SNTG1: variants seen among roughly 807,000 people sequenced by gnomAD.
The protein encoded by SNTG1 is gamma-1-syntrophin.
In SNTG1, 39 loss-of-function variants were observed where a neutral mutation model predicts 74.7. The ratio of observed to expected loss-of-function variants is 0.52; its 90% CI spans 0.40 to 0.68. SNTG1 has a LOEUF of 0.68. Among genes scored for constraint, SNTG1 ranks in the 30% least tolerant of loss-of-function variants. The pLI is 0.00. For synonymous variants in SNTG1, 254 were observed against 217.1 expected (o/e 1.17, Z -1.49); for missense variants, 685 against 609.5 (o/e 1.12, Z -1.30).
chr8:50,222,445 G>T (rs547608985), intron 2 of SNTG1, among the ~76,000 whole-genome samples: 1 of 152,224 alleles, frequency 6.6e-6, no homozygotes, highest in East Asian at 1.9e-4. Context: ...TACAAAGATG[G>T]TTTCCCCATC....
chr8:50,075,294 C>T (rs934675273), intron 1 of SNTG1, among the ~76,000 whole-genome samples: 8 of 152,180 alleles, frequency 5.3e-5, no homozygotes, highest in African/African-American at 1.2e-4. Flanking sequence ...GGGTGGGATC[C>T]ACTAGGCAAA....
intron 1 of SNTG1, among the ~76,000 whole-genome samples, chr8:50,010,545 T>A (rs1014147821): frequency 9.2e-5 from 14 of 151,988 alleles, no homozygotes; most frequent in African/African-American, 3.4e-4. Context: ...TGAAAAAAAA[T>A]CATATACCCT....
In SNTG1 at chr8:50,792,671, G is replaced by C. The variant is rs374697305; in HGVS notation, c.1396G>C (p.Glu466Gln). The C allele has an allele frequency of 1.1e-5, 17 of 1,598,800 alleles. No homozygotes were observed. The highest frequency in any genetic ancestry group is 1.4e-5 in the Non-Finnish European group (16 of 1,172,128). The change falls in exon 19 of 19, where the codon GAG becomes CAG. Residue 466 changes from glutamate (E) to glutamine (Q), a missense_variant and splice_region_variant. By Grantham distance (29) the Glu-to-Gln change is conservative. Transcript: ENST00000642720. ...TGACCTGTTTCTCTTTCCCTTTCAG[G>C]AGTTGGAATTTTCTAATTTATTTGC... ...NPDTKQIEAK[E>Q]LEFSNLFAVL...
At chr8:50,361,086 C>A (rs1254374674) in intron 2 of SNTG1, among the ~76,000 whole-genome samples, 1 of 152,090 alleles carries the variant, frequency 6.6e-6, no homozygotes, top group African/African-American at 2.4e-5. Flanking sequence ...TATTTTCTTT[C>A]ATATATCCTT....
At position 50,285,476 on chromosome 8, in the gene SNTG1, A is replaced by T. The variant is rs1336546501; in HGVS notation, c.-27-108736A>T. On this transcript the variant is annotated intron_variant, in intron 2 of 18. Transcript: ENST00000642720. ...ATAAAAAGGAAAAATTATTGTGGTA[A>T]CAAAAAAGAGCAACTCCTTTGTAGG... 2.0e-5 allele frequency among the ~76,000 whole-genome samples: 3 copies of T among 152,218 alleles called. No individual in the cohort carries two copies. In the East Asian group the frequency reaches 5.8e-4, roughly 29 times the overall value.
chr8:50,630,763 T>C (rs2094991829), intron 13 of SNTG1, among the ~76,000 whole-genome samples: 1 of 152,200 alleles, frequency 6.6e-6, no homozygotes, highest in Non-Finnish European at 1.5e-5. Context: ...CAGTGAATTT[T>C]CTTTATTTAT....
chr8:50,488,778 G>A (rs1367261598), intron 8 of SNTG1, among the ~76,000 whole-genome samples: 1 of 151,446 alleles, frequency 6.6e-6, no homozygotes, highest in Non-Finnish European at 1.5e-5. Context: ...TAAATGTAAT[G>A]TAGTCTTTTT....
intron 15 of SNTG1, among the ~76,000 whole-genome samples, chr8:50,659,394 C>A (rs2095204873): frequency 6.6e-6 from 1 of 152,140 alleles, no homozygotes; most frequent in African/African-American, 2.4e-5. Context: ...ATAAGGTTGA[C>A]CTTGTTTCTG....
At chr8:50,627,403 A>G (rs2094963638) in intron 13 of SNTG1, among the ~76,000 whole-genome samples, 1 of 152,218 alleles carries the variant, frequency 6.6e-6, no homozygotes, top group Admixed American at 6.5e-5. Flanking sequence ...ATGTGAGGAC[A>G]GAGTGTTCCT....
At chr8:50,081,683 G>C (rs1173112773) in intron 1 of SNTG1, among the ~76,000 whole-genome samples, 1 of 152,006 alleles carries the variant, frequency 6.6e-6, no homozygotes, top group Non-Finnish European at 1.5e-5. Context: ...ACCCAGGCTG[G>C]AGTGCAGTGG....
At chr8:50,509,701 G>A (rs185594484) in intron 9 of SNTG1, among the ~76,000 whole-genome samples, 10 of 152,078 alleles carry the variant, frequency 6.6e-5, no homozygotes, top group African/African-American at 2.4e-4. Flanking sequence ...GTTCACTTAT[G>A]ATTTGGCTCT....
Position 50,312,659 on chromosome 8 carries a change from G to A in SNTG1, c.-27-81553G>A, listed in dbSNP as rs1318001795. Among the ~76,000 whole-genome samples, 3 of 149,558 alleles carry A rather than the reference G, an allele frequency of 2.0e-5. 1 individual carries two copies. Among genetic ancestry groups the A allele is most frequent in the African/African-American group, 5.0e-5 (2 of 40,022 alleles). On this transcript the variant is annotated intron_variant, in intron 2 of 18. Transcript: ENST00000642720. ...AAAAACAATGAAAATAGCATAATAG[G>A]CCACCTCATACCCATTACTAAACTT...
chr8:50,172,902 T>G (rs2082861842), intron 2 of SNTG1, among the ~76,000 whole-genome samples: 1 of 152,206 alleles, frequency 6.6e-6, no homozygotes, highest in African/African-American at 2.4e-5. Context: ...AACAGCTATG[T>G]TGAATTTGTG....
intron 8 of SNTG1, among the ~76,000 whole-genome samples, chr8:50,451,737 T>A (rs2093459781): frequency 6.6e-6 from 1 of 152,028 alleles, no homozygotes; most frequent in South Asian, 2.1e-4. Context: ...TTAGAGAAGC[T>A]GAAAGGTTAA....
intron 8 of SNTG1, among the ~76,000 whole-genome samples, chr8:50,486,116 T>G (rs1288866571): frequency 6.6e-6 from 1 of 152,236 alleles, no homozygotes; most frequent in Non-Finnish European, 1.5e-5. Flanking sequence ...GGCTTAGGAT[T>G]GACTTGGCGA....
intron 8 of SNTG1, among the ~76,000 whole-genome samples, chr8:50,477,856 T>G (rs571308269): frequency 6.6e-6 from 1 of 152,330 alleles, no homozygotes; most frequent in Non-Finnish European, 1.5e-5. Flanking sequence ...TTTTTCCTTT[T>G]TTGTTTACTT....
At chr8:50,292,930 G>T (rs2089188276) in intron 2 of SNTG1, among the ~76,000 whole-genome samples, 1 of 150,974 alleles carries the variant, frequency 6.6e-6, no homozygotes, top group Non-Finnish European at 1.5e-5. Flanking sequence ...GGAGACCCTA[G>T]CAGAGGAGGT....
intron 15 of SNTG1, among the ~76,000 whole-genome samples, chr8:50,693,032 G>A (rs907302517): frequency 4.6e-5 from 7 of 152,150 alleles, no homozygotes; most frequent in African/African-American, 1.7e-4. Context: ...AAGACTCCGT[G>A]GGCATAGGAC....
intron 8 of SNTG1, among the ~76,000 whole-genome samples, chr8:50,453,329 GTA>G (rs1201939348): frequency 6.6e-6 from 1 of 152,160 alleles, no homozygotes; most frequent in East Asian, 1.9e-4. Context: ...TACATCTACT[GTA>G]TATATTTCTC....
Sources: gnomAD v4.1 joint callset for allele counts (sites outside exome capture counted in the v4.1 genomes callset) on GRCh38, gnomAD v4.1.1 for gene constraint, MANE v1.5 for transcripts, NCBI Gene and HGNC (gene_info 2026-07-23, HGNC 2026-07-21) for gene names.